ZFHX3: variants seen among roughly 807,000 people sequenced by gnomAD.
The protein encoded by ZFHX3 is zinc finger homeobox protein 3.
In ZFHX3, 42 loss-of-function variants were observed where a neutral mutation model predicts 279.1. The observed-to-expected ratio is 0.15, with a 90% CI of 0.12 to 0.19. The LOEUF (loss-of-function observed/expected upper bound fraction) is 0.19. Ranked by LOEUF, ZFHX3 falls within the 10% of genes least tolerant of loss-of-function variation. The pLI is 1.00. For missense variants in ZFHX3, 4,981 were observed against 4,754.0 expected (o/e 1.05, Z -1.40); for synonymous variants, 2,293 against 1,957.8 (o/e 1.17, Z -4.52).
At chr16:73,027,002 C>G (rs1169998065) in intron 1 of ZFHX3, among the ~76,000 whole-genome samples, 3 of 152,232 alleles carry the variant, frequency 2.0e-5, no homozygotes, top group African/African-American at 7.2e-5. Flanking sequence ...TGCAACTACT[C>G]ACCTACACCA....
intron 3 of ZFHX3, among the ~76,000 whole-genome samples, chr16:73,390,733 G>A (rs2143396626): frequency 6.6e-6 from 1 of 152,080 alleles, no homozygotes; most frequent in African/African-American, 2.4e-5. Context: ...AATGGAGGAT[G>A]GACCCTTTTC....
At chr16:72,882,977 GGT>G (rs56328056) in intron 4 of ZFHX3, among the ~76,000 whole-genome samples, 2,136 of 65,180 alleles carry the variant, frequency 0.033, 12 homozygotes, top group East Asian at 0.043. Context: ...ACCACTCTGG[GGT>G]GTGTGTGTGT....
At chr16:73,489,779 A>G (rs538228242) in intron 2 of ZFHX3, among the ~76,000 whole-genome samples, 125 of 152,364 alleles carry the variant, frequency 8.2e-4, no homozygotes, top group African/African-American at 2.9e-3. Context: ...CAGAATGCTT[A>G]AAACAATTTT....
intron 1 of ZFHX3, among the ~76,000 whole-genome samples, chr16:73,745,788 G>A (rs1421176803): frequency 6.6e-6 from 1 of 152,072 alleles, no homozygotes; most frequent in Non-Finnish European, 1.5e-5. Flanking sequence ...TCAAGTTATC[G>A]ATACCCTCTG....
Position 72,862,972 on chromosome 16 carries a change from T to C in ZFHX3, c.3448+26759A>G, listed in dbSNP as rs532862181. Among the ~76,000 whole-genome samples, 299 of 152,282 alleles carry C rather than the reference T, an allele frequency of 2.0e-3. 1 individual carries two copies. The highest frequency in any genetic ancestry group is 6.9e-3 in the African/African-American group (286 of 41,554). On this transcript the variant is annotated intron_variant, in intron 4 of 9. Coordinates refer to ENST00000268489, the MANE Select transcript of ZFHX3 (RefSeq NM_006885.4). Reference sequence around the variant, plus strand: ...AAAAACACATGTATTAGGCTGGGTATGACAGCTCACACCTGTAATTCCAGC... The same window carrying C: ...AAAAACACATGTATTAGGCTGGGTACGACAGCTCACACCTGTAATTCCAGC...
chr16:72,911,149 C>A (rs2039306262), intron 3 of ZFHX3, among the ~76,000 whole-genome samples: 1 of 152,242 alleles, frequency 6.6e-6, no homozygotes. Context: ...AGAAGCTCAG[C>A]TTCACCAGAC....
At chr16:73,771,728 C>T (rs918456924) in intron 1 of ZFHX3, among the ~76,000 whole-genome samples, 3 of 151,936 alleles carry the variant, frequency 2.0e-5, no homozygotes, top group Admixed American at 1.3e-4. Context: ...GAGAACTCTG[C>T]TCACTGTCCA....
intron 1 of ZFHX3, among the ~76,000 whole-genome samples, chr16:72,963,355 A>C (rs1162597816): frequency 6.6e-6 from 1 of 152,120 alleles, no homozygotes; most frequent in Non-Finnish European, 1.5e-5. Flanking sequence ...CACAACCCCC[A>C]ATGTTGCACT....
intron 1 of ZFHX3, among the ~76,000 whole-genome samples, chr16:73,886,706 G>A (rs947932993): frequency 1.3e-5 from 2 of 152,148 alleles, no homozygotes; most frequent in Non-Finnish European, 1.5e-5. Context: ...ATTGTTTTGT[G>A]GAGAAATGGC....
At chr16:72,812,520 G>C (rs973736520) in intron 5 of ZFHX3, among the ~76,000 whole-genome samples, 1 of 152,160 alleles carries the variant, frequency 6.6e-6, no homozygotes, top group Non-Finnish European at 1.5e-5. Context: ...CACAGCATTG[G>C]CAACATGAAA....
At chr16:73,321,399 G>A (rs778121152) in intron 3 of ZFHX3, among the ~76,000 whole-genome samples, 7 of 152,164 alleles carry the variant, frequency 4.6e-5, no homozygotes, top group Non-Finnish European at 7.3e-5. Context: ...ACCTCCTCAG[G>A]TTGTTGGGAG....
Position 73,070,915 on chromosome 16 carries a change from T to TGC in ZFHX3, c.-532-11905_-532-11904dup, listed in dbSNP as rs1214080832. ...TTGCGGGCTGGTTCCTAGACCGTCT[T>TGC]GCGCGCGCGCGCGCGCGCGCGCGCA... On this transcript the variant is annotated intron_variant, in intron 8 of 17. Coordinates refer to the ZFHX3 transcript ENST00000641206. Among the ~76,000 whole-genome samples, 60 of 90,614 alleles carry TGC rather than the reference T, an allele frequency of 6.6e-4. 1 individual carries two copies. The highest frequency in any genetic ancestry group is 2.2e-3 in the African/African-American group (50 of 22,374). 59.4% of individuals were successfully genotyped at this position (90,614 alleles called of 152,430 possible).
chr16:72,997,543 A>C (rs920526104), intron 1 of ZFHX3, among the ~76,000 whole-genome samples: 7 of 152,318 alleles, frequency 4.6e-5, no homozygotes, highest in Middle Eastern at 3.4e-3. Flanking sequence ...CCAGTGGGAC[A>C]CAATCTGACA....
intron 1 of ZFHX3, among the ~76,000 whole-genome samples, chr16:73,751,605 C>A (rs2053762935): frequency 6.6e-6 from 1 of 152,134 alleles, no homozygotes; most frequent in South Asian, 2.1e-4. Flanking sequence ...TTTTAAGTAA[C>A]ATTTTTTAAA....
At chr16:73,103,833 G>A (rs1176925858) in intron 7 of ZFHX3, among the ~76,000 whole-genome samples, 1 of 151,992 alleles carries the variant, frequency 6.6e-6, no homozygotes, top group Non-Finnish European at 1.5e-5. Flanking sequence ...ATTTTACATA[G>A]ATCATCATCT....
intron 3 of ZFHX3, among the ~76,000 whole-genome samples, chr16:73,344,089 T>A (rs2016082856): frequency 6.6e-6 from 1 of 152,188 alleles, no homozygotes; most frequent in Admixed American, 6.5e-5. Context: ...TCTCCACAAT[T>A]TCTTATTAGT....
chr16:73,693,863 C>G (rs1407939781), intron 1 of ZFHX3, among the ~76,000 whole-genome samples: 1 of 152,058 alleles, frequency 6.6e-6, no homozygotes, highest in Admixed American at 6.5e-5. Context: ...TTATCAAACA[C>G]CTACAAATGG....
intron 3 of ZFHX3, among the ~76,000 whole-genome samples, chr16:72,916,307 A>G (rs1241607485): frequency 6.6e-6 from 1 of 152,206 alleles, no homozygotes; most frequent in Non-Finnish European, 1.5e-5. Flanking sequence ...GCTTGTGAAC[A>G]ATCTGGAATG....
rs1290504727 is a variant in ZFHX3, at chr16:73,823,324, G to A, written c.-1608+68327C>T. Among the ~76,000 whole-genome samples, 6 of 152,096 alleles carry A rather than the reference G, an allele frequency of 3.9e-5. No homozygotes were observed. The South Asian group carries it at 1.0e-3, about 26-fold the overall frequency. On this transcript the variant is annotated intron_variant, in intron 1 of 17. Transcript: ENST00000641206. ...GAGAGGCCACAGTGGAGGGAAAAAA[G>A]AAAAGCCTGATTAGAGAGACAAGAT...
Sources: gnomAD v4.1 joint callset for allele counts (sites outside exome capture counted in the v4.1 genomes callset) on GRCh38, gnomAD v4.1.1 for gene constraint, MANE v1.5 for transcripts, NCBI Gene and HGNC (gene_info 2026-07-23, HGNC 2026-07-21) for gene names.